FIGN: variants seen among roughly 807,000 people sequenced by gnomAD.
The protein encoded by FIGN is fidgetin, microtubule severing factor.
Under a neutral mutation model 51.3 loss-of-function variants are expected in FIGN, and 11 were observed. The ratio of observed to expected loss-of-function variants is 0.21; its 90% CI spans 0.13 to 0.35. The LOEUF (loss-of-function observed/expected upper bound fraction) is 0.35. Among genes scored for constraint, FIGN ranks in the 10% least tolerant of loss-of-function variants. The pLI is 1.00. For synonymous variants in FIGN, 407 were observed against 363.2 expected (o/e 1.12, Z -1.37); for missense variants, 857 against 943.6 (o/e 0.91, Z 1.20).
At chr2:163,708,301 A>G (rs1235437366) in intron 2 of FIGN, among the ~76,000 whole-genome samples, 1 of 152,174 alleles carries the variant, frequency 6.6e-6, no homozygotes, top group African/African-American at 2.4e-5. Context: ...TGTAATTAAG[A>G]CTGTTCCAAT....
At chr2:163,697,220 C>T (rs1684336517) in intron 2 of FIGN, among the ~76,000 whole-genome samples, 4 of 151,492 alleles carry the variant, frequency 2.6e-5, no homozygotes, top group Non-Finnish European at 1.5e-5. Context: ...CCTGCCCCAG[C>T]CTCCCGAGTA....
intron 2 of FIGN, among the ~76,000 whole-genome samples, chr2:163,712,771 T>A (rs939727780): frequency 2.0e-5 from 3 of 152,158 alleles, no homozygotes; most frequent in African/African-American, 7.2e-5. Context: ...ATCAATCACA[T>A]TATAGCAATT....
intron 2 of FIGN, among the ~76,000 whole-genome samples, chr2:163,710,016 C>T (rs1684563076): frequency 6.6e-6 from 1 of 152,064 alleles, no homozygotes; most frequent in Non-Finnish European, 1.5e-5. Flanking sequence ...AAACAATTGA[C>T]TGAGGTTGTT....
At chr2:163,679,694 C>G (rs1331415372) in intron 2 of FIGN, among the ~76,000 whole-genome samples, 2 of 152,130 alleles carry the variant, frequency 1.3e-5, no homozygotes, top group Admixed American at 1.3e-4. Context: ...GTTCAATTTT[C>G]CTTGGTTCCT....
intron 2 of FIGN, among the ~76,000 whole-genome samples, chr2:163,625,381 A>G (rs1320084681): frequency 6.6e-6 from 1 of 152,056 alleles, no homozygotes; most frequent in Non-Finnish European, 1.5e-5. Flanking sequence ...ATAACATTAT[A>G]TTGCTTTATT....
chr2:163,671,497 T>TA (rs1181760824), intron 2 of FIGN, among the ~76,000 whole-genome samples: 4 of 152,184 alleles, frequency 2.6e-5, no homozygotes, highest in Admixed American at 1.3e-4. Flanking sequence ...CCTGATTTAA[T>TA]AAAAAATTGG....
intron 2 of FIGN, among the ~76,000 whole-genome samples, chr2:163,668,023 C>CA (rs1335490600): frequency 6.7e-6 from 1 of 149,470 alleles, no homozygotes; most frequent in African/African-American, 2.5e-5. Context: ...AACCCCCCCC[C>CA]CCAAAAAACC....
At chr2:163,708,531 G>C (rs972786478) in intron 2 of FIGN, among the ~76,000 whole-genome samples, 1 of 152,138 alleles carries the variant, frequency 6.6e-6, no homozygotes, top group Non-Finnish European at 1.5e-5. Context: ...TGGTAATAAA[G>C]TTACTGAAAT....
At position 163,661,033 on chromosome 2, in the gene FIGN, G is replaced by A. The variant is rs1234159252; in HGVS notation, c.26-49227C>T. Among the ~76,000 whole-genome samples the A allele has an allele frequency of 1.4e-3, 196 of 144,256 alleles. 2 individuals are homozygous for A. Among genetic ancestry groups the A allele is most frequent in the African/African-American group, 4.0e-3 (155 of 38,914 alleles). 94.6% of individuals were successfully genotyped at this position (144,256 alleles called of 152,430 possible). A position where few individuals can be genotyped will look rare whatever the true frequency, so the allele number is the denominator to read the frequency against. Reference sequence around the variant, plus strand: ...CAAGTAGCTGGTATTACAGGCGCCCGCCACCACGCCCAGCTAATTTTTGCA... The same window carrying A: ...CAAGTAGCTGGTATTACAGGCGCCCACCACCACGCCCAGCTAATTTTTGCA... On this transcript the variant is annotated intron_variant, in intron 2 of 2. Transcript: ENST00000333129.
intron 2 of FIGN, among the ~76,000 whole-genome samples, chr2:163,722,089 T>A (rs186659642): frequency 2.2e-3 from 340 of 152,276 alleles, no homozygotes; most frequent in African/African-American, 8.0e-3. Context: ...ACCCAACTGG[T>A]AAAGCTATTG....
chr2:163,643,932 CAAAAAAAAAAA>C (rs1162234909), intron 2 of FIGN, among the ~76,000 whole-genome samples: 2 of 19,070 alleles, frequency 1.0e-4, no homozygotes, highest in Admixed American at 1.3e-3. Flanking sequence ...AACTCTGTCT[CAAAAAAAAAAA>C]AAAAAAAAAA....
At chr2:163,709,347 C>T (rs1253011868) in intron 2 of FIGN, among the ~76,000 whole-genome samples, 1 of 152,126 alleles carries the variant, frequency 6.6e-6, no homozygotes. Context: ...ATGGGATCAT[C>T]TTTCACTTAA....
At chr2:163,632,351 C>T (rs182881692) in intron 2 of FIGN, among the ~76,000 whole-genome samples, 69 of 152,230 alleles carry the variant, frequency 4.5e-4, no homozygotes, top group South Asian at 2.3e-3. Flanking sequence ...AGAGGCTAAC[C>T]TATTGCCAGT....
chr2:163,687,699 C>G (rs535021110), intron 2 of FIGN, among the ~76,000 whole-genome samples: 1 of 152,322 alleles, frequency 6.6e-6, no homozygotes, highest in South Asian at 2.1e-4. Flanking sequence ...TGCATGGCAA[C>G]TAACAATGCA....
rs545518568 is a variant in FIGN, at chr2:163,628,254, T to C, written c.26-16448A>G. 2.5e-4 allele frequency among the ~76,000 whole-genome samples: 38 copies of C among 152,202 alleles called. 1 individual carries two copies. In the South Asian group the frequency reaches 7.9e-3, roughly 32 times the overall value. Reference sequence around the variant, plus strand: ...CAAATCTAATAGAGAGAGGTGGCTATACAGAGGAGCTAATAGTTGAGGTAG... The same window carrying C: ...CAAATCTAATAGAGAGAGGTGGCTACACAGAGGAGCTAATAGTTGAGGTAG... On this transcript the variant is annotated intron_variant, in intron 2 of 2. Transcript: ENST00000333129.
At chr2:163,660,672 TATATATATATATACAC>T in intron 2 of FIGN, among the ~76,000 whole-genome samples, 1 of 115,500 alleles carries the variant, frequency 8.7e-6, no homozygotes. Flanking sequence ...TACATATACA[TATATATATATATACAC>T]ATATACATAT....
chr2:163,679,472 G>A (rs955165781), intron 2 of FIGN, among the ~76,000 whole-genome samples: 1 of 150,808 alleles, frequency 6.6e-6, no homozygotes, highest in African/African-American at 2.5e-5. Context: ...CTGCAGCCTG[G>A]GCGACACTGC....
chr2:163,715,144 C>T (rs978313708), intron 2 of FIGN, among the ~76,000 whole-genome samples: 1 of 152,164 alleles, frequency 6.6e-6, no homozygotes, highest in African/African-American at 2.4e-5. Context: ...ATTTGTGCAT[C>T]ATGTTGATCT....
At chr2:163,626,394 G>A (rs559932663) in intron 2 of FIGN, among the ~76,000 whole-genome samples, 1 of 152,198 alleles carries the variant, frequency 6.6e-6, no homozygotes, top group African/African-American at 2.4e-5. Flanking sequence ...AGGGTTCATT[G>A]CCTTATGACT....
Sources: gnomAD v4.1 joint callset for allele counts (sites outside exome capture counted in the v4.1 genomes callset) on GRCh38, gnomAD v4.1.1 for gene constraint, MANE v1.5 for transcripts, NCBI Gene and HGNC (gene_info 2026-07-23, HGNC 2026-07-21) for gene names.